The following ANK2 variants were observed in gnomAD, a reference collection of about 807,000 sequenced individuals.
The protein encoded by ANK2 is ankyrin 2.
Under a neutral mutation model 360.5 loss-of-function variants are expected in ANK2, and 83 were observed. The ratio of observed to expected loss-of-function variants is 0.23; its 90% CI spans 0.19 to 0.28. The LOEUF is 0.28. ANK2 is among the 10% of genes least tolerant of loss of function. The pLI is 1.00. For synonymous variants in ANK2, 1,740 were observed against 1,759.5 expected (o/e 0.99, Z 0.28); for missense variants, 4,201 against 4,795.7 (o/e 0.88, Z 3.66).
chr4:113,155,235 C>T lies in ANK2; in HGVS notation c.85-19181C>T, dbSNP rs553152587. On this transcript the variant is annotated intron_variant, in intron 1 of 45. Coordinates refer to ENST00000357077, the MANE Select transcript of ANK2 (RefSeq NM_001148.6). The stretch of plus-strand genomic sequence containing the variant: ...TTATTGGATGCCTACTATTCCAATA[C>T]ACTGTTCTCAGGGGTTTATATATAT... Among the ~76,000 whole-genome samples, 13 of 152,254 alleles carry T rather than the reference C, an allele frequency of 8.5e-5. No individual in the cohort carries two copies. In the East Asian group the frequency reaches 2.5e-3, roughly 29 times the overall value.
At chr4:113,117,377 C>A (rs2094913522) in intron 1 of ANK2, 2 of 456,066 alleles carry the variant, frequency 4.4e-6, no homozygotes, top group Non-Finnish European at 8.8e-6. Context: ...CAGAAAAAAA[C>A]AACGGAAAAT....
the ANK2 span, among the ~76,000 whole-genome samples, chr4:112,713,713 C>T: frequency 6.6e-6 from 1 of 151,752 alleles, no homozygotes; most frequent in Non-Finnish European, 1.5e-5. Context: ...GGGCGGATCA[C>T]GAGGTCAGGA....
intron 1 of ANK2, among the ~76,000 whole-genome samples, chr4:112,888,136 A>C (rs929529401): frequency 7.9e-5 from 12 of 152,206 alleles, no homozygotes; most frequent in African/African-American, 2.9e-4. Context: ...TTAGCTGTTC[A>C]TTTTATTGCT....
At chr4:112,991,479 T>A (rs1244088124) in intron 2 of ANK2, among the ~76,000 whole-genome samples, 1 of 152,098 alleles carries the variant, frequency 6.6e-6, no homozygotes, top group Non-Finnish European at 1.5e-5. Context: ...TATAATCCCT[T>A]CTCTATTCCT....
intron 1 of ANK2, among the ~76,000 whole-genome samples, chr4:113,063,753 G>A (rs1410050382): frequency 6.6e-6 from 1 of 152,120 alleles, no homozygotes; most frequent in African/African-American, 2.4e-5. Flanking sequence ...TAATGAAACT[G>A]AACTCTTAGT....
At chr4:113,346,068 G>T in intron 35 of ANK2, 46 bp downstream of exon 35, 1 of 1,608,430 alleles carries the variant, frequency 6.2e-7, no homozygotes, top group South Asian at 1.1e-5. Flanking sequence ...AGTAGGAATT[G>T]ATTTTTAAAT....
At chr4:112,757,793 TAAAG>T in the ANK2 span, among the ~76,000 whole-genome samples, 1 of 152,150 alleles carries the variant, frequency 6.6e-6, no homozygotes, top group South Asian at 2.1e-4. Flanking sequence ...AAAACAGGAA[TAAAG>T]AAAGGCTGTG....
rs143228029 is a variant in ANK2 at position 113,365,050 on chromosome 4, G to A, written c.10900G>A (p.Val3634Ile). 46 of 1,613,626 alleles carry A rather than the reference G, an allele frequency of 2.9e-5. No individual in the cohort carries two copies. Among genetic ancestry groups the A allele is most frequent in the East Asian group, 4.5e-5 (2 of 44,882 alleles). The change falls in exon 41 of 46, where the codon GTT (valine) becomes ATT (isoleucine). Residue 3634 changes from valine to isoleucine, a missense_variant. Transcript: ENST00000357077. ...DGKHATDTNL[V>I]ECLTKINRMD... ...CTCTAATGTGTCAGATACCAACCTC[G>A]TTGAATGTCTCACCAAGATCAACCG...
chr4:113,242,388 T>C (rs759918917), intron 9 of ANK2, among the ~76,000 whole-genome samples, 179 bp downstream of exon 9: 18 of 152,226 alleles, frequency 1.2e-4, no homozygotes, highest in Non-Finnish European at 2.6e-4. Context: ...GTGAAATTAA[T>C]ATTTGCTCAT....
chr4:113,366,339 C>G (rs2096532989), intron 41 of ANK2, among the ~76,000 whole-genome samples: 1 of 151,322 alleles, frequency 6.6e-6, no homozygotes, highest in South Asian at 2.1e-4. Context: ...AATAGTGAAG[C>G]CTGCCTTCTT....
At chr4:113,176,398 A>G (rs2098201279) in intron 2 of ANK2, among the ~76,000 whole-genome samples, 1 of 152,142 alleles carries the variant, frequency 6.6e-6, no homozygotes, top group African/African-American at 2.4e-5. Context: ...GTATTCCAAT[A>G]TGTAAAATCT....
intron 12 of ANK2, 52 bp from the exon 13 acceptor site, chr4:113,258,261 C>T (rs2050604762): frequency 6.3e-7 from 1 of 1,596,760 alleles, no homozygotes; most frequent in South Asian, 1.1e-5. Context: ...TGAAGAAGCC[C>T]CAAAGCCCCA....
chr4:113,008,896 C>A (rs1009602927), intron 2 of ANK2, among the ~76,000 whole-genome samples: 1 of 151,992 alleles, frequency 6.6e-6, no homozygotes, highest in Non-Finnish European at 1.5e-5. Flanking sequence ...GGCTCAGTGA[C>A]CACAGCTAAC....
At chr4:113,052,729 G>T (rs773436994) in intron 1 of ANK2, among the ~76,000 whole-genome samples, 1 of 152,136 alleles carries the variant, frequency 6.6e-6, no homozygotes, top group Non-Finnish European at 1.5e-5. Context: ...TGAACATGAT[G>T]GGTTTATGAC....
chr4:113,304,850 A>G (rs1015651827), intron 23 of ANK2, among the ~76,000 whole-genome samples: 5 of 152,226 alleles, frequency 3.3e-5, no homozygotes, highest in Non-Finnish European at 7.3e-5. Context: ...TATTTTATCT[A>G]GTAAGAGGTT....
At chr4:112,808,926 C>T in the ANK2 span, among the ~76,000 whole-genome samples, 2 of 152,016 alleles carry the variant, frequency 1.3e-5, no homozygotes, top group African/African-American at 4.8e-5. Flanking sequence ...GGTGCGATCT[C>T]GGCTCGCTGC....
At position 113,356,153 on chromosome 4, in the gene ANK2, A is replaced by T. The variant is rs367601671; in HGVS notation, c.7535A>T (p.Asp2512Val). 5 of 1,613,932 alleles carry T rather than the reference A, an allele frequency of 3.1e-6. No homozygotes were observed. The highest frequency in any genetic ancestry group is 4.2e-6 in the Non-Finnish European group (5 of 1,179,992). The change falls in exon 38 of 46, where the codon GAC becomes GTC. Residue 2512 changes from aspartate (D) to valine (V), a missense_variant. Coordinates refer to ENST00000357077, the MANE Select transcript of ANK2 (RefSeq NM_001148.6). The stretch of plus-strand genomic sequence containing the variant: ...TCTGTGCGGTCCCGGCTACTCCGAG[A>T]CCCTGATGGCAGTGCTGAGGATGAC... ...VASVRSRLLRDPDGSAEDDSL... is the reference protein window; with the variant it reads ...VASVRSRLLRVPDGSAEDDSL...
chr4:113,103,830 T>C (rs2093281283), intron 1 of ANK2, among the ~76,000 whole-genome samples: 1 of 152,160 alleles, frequency 6.6e-6, no homozygotes, highest in South Asian at 2.1e-4. Flanking sequence ...ATCTGAATAT[T>C]TGCTTAAATA....
At chr4:112,756,771 G>A in the ANK2 span, among the ~76,000 whole-genome samples, 3 of 152,112 alleles carry the variant, frequency 2.0e-5, no homozygotes, top group African/African-American at 4.8e-5. Context: ...TCAGGAGTTC[G>A]AGACCAGCCT....
Sources: gnomAD v4.1 joint callset for allele counts (sites outside exome capture counted in the v4.1 genomes callset) on GRCh38, gnomAD v4.1.1 for gene constraint, MANE v1.5 for transcripts, NCBI Gene and HGNC (gene_info 2026-07-23, HGNC 2026-07-21) for gene names.